The following CHST9 variants were observed in gnomAD, a reference collection of about 807,000 sequenced individuals.
CHST9 encodes GalNAc-4-sulfotransferase 2.
In CHST9, 41 loss-of-function variants were observed where a neutral mutation model predicts 44.4. The observed-to-expected ratio is 0.92, with a 90% CI of 0.72 to 1.20. The LOEUF is 1.20. Ranked by LOEUF, CHST9 falls within the 50% of genes most tolerant of loss-of-function variation. CHST9 has a pLI of 0.00. For missense variants in CHST9, 504 were observed against 516.5 expected, an observed-to-expected ratio of 0.98 and a Z score of 0.23; for synonymous variants, 171 against 178.4, an observed-to-expected ratio of 0.96 and a Z score of 0.33.
At chr18:26,984,946 A>G (rs1236874764) in intron 4 of CHST9, among the ~76,000 whole-genome samples, 1 of 152,160 alleles carries the variant, frequency 6.6e-6, no homozygotes, top group African/African-American at 2.4e-5. Flanking sequence ...AGCAATCAGT[A>G]TCAACCAAAG....
intron 3 of CHST9, among the ~76,000 whole-genome samples, chr18:27,029,284 T>C (rs2057315749): frequency 6.6e-6 from 1 of 152,222 alleles, no homozygotes; most frequent in African/African-American, 2.4e-5. Context: ...CTTGACTTTG[T>C]ACCTCACTGG....
At chr18:27,082,347 TTTATC>T (rs2057969179) in intron 2 of CHST9, among the ~76,000 whole-genome samples, 1 of 152,222 alleles carries the variant, frequency 6.6e-6, no homozygotes, top group Non-Finnish European at 1.5e-5. Flanking sequence ...TTAGTATTGA[TTTATC>T]TAAAGAACAA....
intron 1 of CHST9, among the ~76,000 whole-genome samples, chr18:27,161,883 G>C (rs1397495487): frequency 2.0e-5 from 3 of 151,630 alleles, no homozygotes; most frequent in Non-Finnish European, 4.4e-5. Flanking sequence ...TGTCTCTTTT[G>C]ATCTTTGTTG....
intron 2 of CHST9, among the ~76,000 whole-genome samples, chr18:27,095,024 T>C (rs2058103865): frequency 6.6e-6 from 1 of 152,186 alleles, no homozygotes; most frequent in Non-Finnish European, 1.5e-5. Flanking sequence ...GACAGGTTAG[T>C]TGACATTAAA....
chr18:27,065,936 G>T (rs1243672872), intron 2 of CHST9, among the ~76,000 whole-genome samples: 1 of 152,094 alleles, frequency 6.6e-6, no homozygotes, highest in East Asian at 1.9e-4. Context: ...AGAGTGTCTT[G>T]TTCTAGGAGG....
intron 4 of CHST9, among the ~76,000 whole-genome samples, chr18:26,991,345 A>G (rs906683431): frequency 2.0e-5 from 3 of 152,210 alleles, no homozygotes; most frequent in Non-Finnish European, 2.9e-5. Flanking sequence ...TATTGCCCAA[A>G]CAACTGTAAG....
intron 2 of CHST9, among the ~76,000 whole-genome samples, chr18:27,056,066 G>A (rs1387931356): frequency 6.6e-6 from 1 of 151,966 alleles, no homozygotes; most frequent in East Asian, 1.9e-4. Context: ...CTGCAGACTA[G>A]CTTTTTATTA....
In CHST9 at chr18:27,135,489, T is replaced by A. The variant is rs138475934; in HGVS notation, c.121+7200A>T. On this transcript the variant is annotated intron_variant, in intron 2 of 5. Transcript: ENST00000618847. ...TCCTCTTCTGTCAGCTTAATAAGAG[T>A]ATTACAGTGACCACTCTTTCTTCTT... is the stretch of plus-strand genomic sequence containing the variant. Among the ~76,000 whole-genome samples, 667 of 152,188 alleles carry A rather than the reference T, an allele frequency of 4.4e-3. 6 individuals are homozygous for A. The highest frequency in any genetic ancestry group is 0.014 in the African/African-American group (601 of 41,504).
At chr18:27,058,230 G>C (rs992849125) in intron 2 of CHST9, among the ~76,000 whole-genome samples, 1 of 152,172 alleles carries the variant, frequency 6.6e-6, no homozygotes, top group Admixed American at 6.6e-5. Context: ...AGCATTGAAC[G>C]TGTTTCTAGT....
chr18:27,050,899 C>G (rs1385306137), intron 2 of CHST9, among the ~76,000 whole-genome samples: 1 of 152,108 alleles, frequency 6.6e-6, no homozygotes, highest in East Asian at 1.9e-4. Context: ...TTTGGAGTGT[C>G]TTTAACCTAT....
intron 1 of CHST9, among the ~76,000 whole-genome samples, chr18:27,181,088 A>G (rs1202327101): frequency 4.6e-5 from 7 of 152,148 alleles, no homozygotes; most frequent in African/African-American, 1.7e-4. Flanking sequence ...ACTTCCATAA[A>G]AGTTACAGTT....
chr18:27,128,030 AG>A (rs1477048853), intron 2 of CHST9, among the ~76,000 whole-genome samples: 2 of 152,164 alleles, frequency 1.3e-5, no homozygotes, highest in Non-Finnish European at 2.9e-5. Flanking sequence ...GGAGGGAAAA[AG>A]CTCAGTAGAG....
chr18:26,992,769 T>A (rs371081073), intron 4 of CHST9, among the ~76,000 whole-genome samples: 93 of 152,214 alleles, frequency 6.1e-4, no homozygotes, highest in African/African-American at 2.1e-3. Flanking sequence ...AACAATAGCA[T>A]TTTTTTCTTG....
At chr18:27,056,240 TG>T (rs2143595057) in intron 2 of CHST9, among the ~76,000 whole-genome samples, 1 of 152,364 alleles carries the variant, frequency 6.6e-6, no homozygotes, top group South Asian at 2.1e-4. Flanking sequence ...GGCATTCTAT[TG>T]ACACTTAAAT....
intron 4 of CHST9, among the ~76,000 whole-genome samples, chr18:26,953,283 T>A (rs545452942): frequency 6.6e-6 from 1 of 152,138 alleles, no homozygotes; most frequent in Non-Finnish European, 1.5e-5. Context: ...CAAAAATGGA[T>A]GGAAGTTGGG....
intron 2 of CHST9, among the ~76,000 whole-genome samples, chr18:27,083,506 G>A (rs2057980085): frequency 6.6e-6 from 1 of 151,976 alleles, no homozygotes; most frequent in Non-Finnish European, 1.5e-5. Flanking sequence ...ATAAAAATAG[G>A]CCTCATAGCA....
At chr18:27,170,172 C>T (rs949921564) in intron 1 of CHST9, among the ~76,000 whole-genome samples, 1 of 152,114 alleles carries the variant, frequency 6.6e-6, no homozygotes, top group Non-Finnish European at 1.5e-5. Context: ...TCTATTTCCC[C>T]TTACAATAGG....
chr18:27,017,177 G>A (rs1403276258), intron 4 of CHST9, among the ~76,000 whole-genome samples: 3 of 152,008 alleles, frequency 2.0e-5, no homozygotes, highest in Non-Finnish European at 4.4e-5. Context: ...GAAAATTTAC[G>A]GTTAATCACA....
At chr18:27,038,188 T>A (rs1568144048) in intron 3 of CHST9, among the ~76,000 whole-genome samples, 2 of 152,322 alleles carry the variant, frequency 1.3e-5, no homozygotes, top group East Asian at 3.9e-4. Context: ...AAGTAAATTT[T>A]AAAAATGAAT....
Sources: gnomAD v4.1 joint callset for allele counts (sites outside exome capture counted in the v4.1 genomes callset) on GRCh38, gnomAD v4.1.1 for gene constraint, MANE v1.5 for transcripts, NCBI Gene and HGNC (gene_info 2026-07-23, HGNC 2026-07-21) for gene names.